ABCB5: variants seen among roughly 807,000 people sequenced by gnomAD.
ABCB5 encodes ATP-binding cassette sub-family B member 5.
A neutral mutation model predicts 144.2 loss-of-function variants in ABCB5; 155 were observed. The ratio of observed to expected loss-of-function variants is 1.08; its 90% confidence interval spans 0.94 to 1.23. The LOEUF (loss-of-function observed/expected upper bound fraction) is 1.23, where lower values mean the gene tolerates loss of function less well. Ranked by LOEUF, ABCB5 falls within the 50% of genes most tolerant of loss-of-function variation. ABCB5 has a pLI of 0.00. For synonymous variants in ABCB5, 610 were observed against 528.6 expected (o/e 1.15, Z -2.11); for missense variants, 1,830 against 1,520.8 (o/e 1.20, Z -3.38).
At chr7:20,712,104 G>T (rs1787094130) in intron 20 of ABCB5, among the ~76,000 whole-genome samples, 1 of 133,606 alleles carries the variant, frequency 7.5e-6, no homozygotes, top group Admixed American at 8.0e-5. Context: ...AGCCGGGCAT[G>T]CTGGCAGGCA....
At chr7:20,629,128 AAG>A (rs145593793) in intron 4 of ABCB5, among the ~76,000 whole-genome samples, 1 of 127,024 alleles carries the variant, frequency 7.9e-6, no homozygotes, top group South Asian at 2.8e-4. Context: ...GTTAGAAACA[AAG>A]AGAGAGAGAG....
At chr7:20,623,601 C>A (rs1223393483) in intron 2 of ABCB5, among the ~76,000 whole-genome samples, 1 of 152,070 alleles carries the variant, frequency 6.6e-6, no homozygotes, top group Non-Finnish European at 1.5e-5. Context: ...AATTTCTCAT[C>A]GTTAATTTCT....
At chr7:20,683,934 G>GA (rs1785906978) in intron 15 of ABCB5, among the ~76,000 whole-genome samples, 1 of 156 alleles carries the variant, frequency 6.4e-3, no homozygotes, top group Non-Finnish European at 0.016. Context: ...TTAAGATGAT[G>GA]AACTCTTGGT....
chr7:20,646,591 A>G (rs1784416751), intron 9 of ABCB5, among the ~76,000 whole-genome samples: 1 of 152,246 alleles, frequency 6.6e-6, no homozygotes, highest in Non-Finnish European at 1.5e-5. Flanking sequence ...TAATTTAAAA[A>G]ACAGACTACA....
intron 14 of ABCB5, among the ~76,000 whole-genome samples, chr7:20,672,670 T>C (rs6970012): frequency 0.91 from 137,938 of 152,284 alleles, 62,660 homozygotes; most frequent in East Asian, 1. Context: ...GTAGTTTTTA[T>C]ATTTTGAGTT....
intron 16 of ABCB5, among the ~76,000 whole-genome samples, chr7:20,686,108 T>C (rs1375619459): frequency 6.6e-6 from 1 of 152,064 alleles, no homozygotes; most frequent in African/African-American, 2.4e-5. Context: ...AAGCAAACCA[T>C]AGGTTAAAAC....
At chr7:20,647,013 T>C (rs1784427129) in intron 9 of ABCB5, among the ~76,000 whole-genome samples, 2 of 152,258 alleles carry the variant, frequency 1.3e-5, no homozygotes, top group South Asian at 2.1e-4. Context: ...TGAGGGATTC[T>C]TTTCTTATTT....
intron 23 of ABCB5, among the ~76,000 whole-genome samples, chr7:20,729,541 T>A (rs1782143504): frequency 6.6e-6 from 1 of 152,220 alleles, no homozygotes; most frequent in Non-Finnish European, 1.5e-5. Context: ...TCTGGTCACA[T>A]AATTATGAAT....
intron 12 of ABCB5, among the ~76,000 whole-genome samples, chr7:20,650,463 T>A (rs1262505056): frequency 2.6e-5 from 4 of 152,070 alleles, no homozygotes; most frequent in Admixed American, 6.6e-5. Flanking sequence ...AGGGAGGGAA[T>A]GTTGTGGAGA....
chr7:20,689,353 C>G (rs1786127901), intron 16 of ABCB5, among the ~76,000 whole-genome samples: 1 of 152,146 alleles, frequency 6.6e-6, no homozygotes, highest in Non-Finnish European at 1.5e-5. Flanking sequence ...TGCTGGAAAT[C>G]TGCCCTCAAG....
chr7:20,708,237 G>A (rs530452575), intron 20 of ABCB5, among the ~76,000 whole-genome samples: 1 of 152,142 alleles, frequency 6.6e-6, no homozygotes, highest in African/African-American at 2.4e-5. Flanking sequence ...TTGCTGTTTT[G>A]TCTTGCAGTT....
At chr7:20,685,317 A>T (rs565386377) in intron 15 of ABCB5, among the ~76,000 whole-genome samples, 22 of 152,284 alleles carry the variant, frequency 1.4e-4, no homozygotes, top group South Asian at 8.3e-4. Flanking sequence ...TACCCAACTA[A>T]ATACTACAAG....
chr7:20,685,683 T>G lies in ABCB5; in HGVS notation c.1870-13T>G. 2 of 1,588,864 alleles carry G rather than the reference T, an allele frequency of 1.3e-6. No individual in the cohort carries two copies. The highest frequency in any genetic ancestry group is 1.7e-4 in the Middle Eastern group (1 of 5,968). ...CATTCTTATAATGATAACCTATATA[T>G]TCTTCCTGTAAGGATATTAAAAAAG... On this transcript the variant is annotated splice_polypyrimidine_tract_variant and intron_variant, in intron 15 of 27. Transcript: ENST00000404938.
chr7:20,753,809 A>T (rs13225659), intron 27 of ABCB5, among the ~76,000 whole-genome samples: 15,048 of 152,292 alleles, frequency 0.099, 994 homozygotes, highest in South Asian at 0.18. Flanking sequence ...CCCAAGAAAA[A>T]TAACTTTTCA....
rs77409024 is a variant in ABCB5 at position 20,643,332 on chromosome 7, T to C, written c.463T>C (p.Phe155Leu). The C allele has an allele frequency of 2.5e-6, 4 of 1,608,862 alleles. No individual in the cohort carries two copies. Among genetic ancestry groups the C allele is most frequent in the Non-Finnish European group, 3.4e-6 (4 of 1,178,472 alleles). The stretch of plus-strand genomic sequence containing the variant: ...AGTTTTGGCACAGGACATCGGCTGG[T>C]TTGATAGCTGTGACATCGGTGAACT... ...HSVLAQDIGWFDSCDIGELNT... is the reference protein window; with the variant it reads ...HSVLAQDIGWLDSCDIGELNT... The change falls in exon 6 of 28, where the codon TTT becomes CTT. Residue 155 changes from phenylalanine to leucine, a missense_variant. By Grantham distance (22) the Phe-to-Leu change is conservative (BLOSUM62 0). Transcript: ENST00000404938.
At chr7:20,685,563 T>C in intron 15 of ABCB5, 133 bp from the exon 16 acceptor site, 1 of 740,158 alleles carries the variant, frequency 1.4e-6, no homozygotes, top group Non-Finnish European at 2.1e-6. Context: ...CTGAAAGCTG[T>C]TCAGCAAGAA....
At chr7:20,751,113 G>C (rs866582878) in intron 26 of ABCB5, among the ~76,000 whole-genome samples, 2 of 152,114 alleles carry the variant, frequency 1.3e-5, no homozygotes, top group Non-Finnish European at 2.9e-5. Context: ...GGACACAACT[G>C]ACTTTTAGCT....
At chr7:20,627,690 T>C (rs1196452708) in intron 3 of ABCB5, among the ~76,000 whole-genome samples, 1 of 46,744 alleles carries the variant, frequency 2.1e-5, no homozygotes, top group Non-Finnish European at 3.6e-5. Flanking sequence ...TTAAATATCC[T>C]ATTTACAGGA....
At chr7:20,746,040 C>T (rs79808435) in intron 26 of ABCB5, among the ~76,000 whole-genome samples, 203 of 152,280 alleles carry the variant, frequency 1.3e-3, no homozygotes, top group Non-Finnish European at 2.6e-3. Context: ...AGGACATTTG[C>T]GTTTGCTGTT....
Sources: allele counts gnomAD v4.1 joint callset (sites outside exome capture counted in the v4.1 genomes callset), GRCh38; gene constraint gnomAD v4.1.1; transcripts MANE v1.5; gene names NCBI Gene and HGNC (gene_info 2026-07-23, HGNC 2026-07-21).